Variants in FBXL16 observed in about 807,000 individuals in gnomAD.
FBXL16 encodes F-box and leucine rich repeat protein 16, also known as F-box/LRR-repeat protein 16.
Under a neutral mutation model 36.7 loss-of-function variants are expected in FBXL16, and 7 were observed. That is an observed-to-expected ratio of 0.19 (90% CI 0.11 to 0.36). The LOEUF (loss-of-function observed/expected upper bound fraction) is 0.36. FBXL16 is among the 10% of genes least tolerant of loss of function. The probability of loss-of-function intolerance (pLI) is 1.00; values close to 1 mark genes in which losing one functional copy is unlikely to be tolerated. For missense variants in FBXL16, 463 were observed against 659.4 expected (o/e 0.70, Z 3.26); for synonymous variants, 355 against 308.7 (o/e 1.15, Z -1.57).
chr16:694,578 G>A (rs1005000815), intron 5 of FBXL16, 56 bp downstream of exon 5: 3 of 1,554,660 alleles, frequency 1.9e-6, no homozygotes, highest in Non-Finnish European at 2.6e-6. Context: ...TGGGCGGGTG[G>A]ACTAAGTGGG....
chr16:694,323 G>T lies in FBXL16; in HGVS notation c.1392C>A (p.Leu464=), dbSNP rs1380791854. 6.0e-6 allele frequency: 9 copies of T among 1,497,126 alleles called. No homozygotes were observed. The South Asian group carries it at 1.2e-4, about 20-fold the overall frequency. 92.7% of individuals were successfully genotyped at this position (1,497,126 alleles called of 1,614,324 possible). A position where few individuals can be genotyped will look rare whatever the true frequency, so the allele number is the denominator to read the frequency against. Residue 464 remains leucine (L), a synonymous_variant, in exon 6 of 6, where the codon CTC becomes CTA. Transcript: ENST00000397621. The part of the protein sequence containing the change: ...LTNCPGATPE[L]FKYFSQHLPR... ...GCAGGTGCTGCGAGAAATACTTGAA[G>T]AGCTCGGGGGTGGCCCCGGGGCAGT... is the stretch of plus-strand genomic sequence containing the variant.
intron 1 of FBXL16, among the ~76,000 whole-genome samples, chr16:698,018 C>G (rs1421356976): frequency 6.6e-6 from 1 of 151,288 alleles, no homozygotes; most frequent in Non-Finnish European, 1.5e-5. Context: ...AAAAAAGAAA[C>G]AGTTTCACTC....
Position 703,515 on chromosome 16 carries a change from G to C in FBXL16, c.-15+1997C>G, listed in dbSNP as rs1282787682. Among the ~76,000 whole-genome samples the C allele has an allele frequency of 4.6e-5, 7 of 152,236 alleles. No homozygotes were observed. The East Asian group carries it at 1.3e-3, about 29-fold the overall frequency. On this transcript the variant is annotated intron_variant, in intron 1 of 5. Coordinates refer to ENST00000397621, the MANE Select transcript of FBXL16 (RefSeq NM_153350.4). ...AAATGCACATCGGGCTCCATCTGCA[G>C]TGGCAGCCCCAGAGCCTGGCTGACA...
Position 697,527 on chromosome 16 carries a change from G to A in FBXL16, c.-14-108C>T. 1 of 1,333,492 alleles carries A rather than the reference G, an allele frequency of 7.5e-7. No homozygotes were observed. The highest frequency in any genetic ancestry group is 9.9e-7 in the Non-Finnish European group (1 of 1,007,014). The allele number at this position is 1,333,492 out of a possible 1,614,324, so 82.6% of individuals were successfully genotyped here. ...TTCCCTCCTTGGGCGTCCCTATGGT[G>A]CTCCCAGAACCACCAGACAGAGAGG... On this transcript the variant is annotated intron_variant, in intron 1 of 5. Coordinates refer to ENST00000397621, the MANE Select transcript of FBXL16 (RefSeq NM_153350.4). This position sits in a 1 kb window ranked among gnomAD's most constrained non-coding sequence, Gnocchi z 4.6.
intron 1 of FBXL16, among the ~76,000 whole-genome samples, chr16:699,848 G>T (rs1329089073): frequency 2.6e-5 from 4 of 151,842 alleles, no homozygotes; most frequent in African/African-American, 7.2e-5. Context: ...CTCCCACGAA[G>T]ATTCCAACGC....
chr16:696,704 C>A, intron 2 of FBXL16, 69 bp downstream of exon 2: 1 of 1,399,478 alleles, frequency 7.1e-7, no homozygotes, highest in East Asian at 2.7e-5. Context: ...CCATCCGCTC[C>A]CACCTCCATA....
Position 694,190 on chromosome 16 carries a change from A to T in FBXL16, c.*85T>A. On this transcript the variant is annotated 3_prime_UTR_variant, in exon 6 of 6. Transcript: ENST00000397621. ...GGGGCGCGGGGGCTCCCCCGAGCGC[A>T]AGGCGGGAAGAGGGGGCTCGGCGGC... The T allele has an allele frequency of 9.9e-7, 1 of 1,005,548 alleles. No individual in the cohort carries two copies. The highest frequency in any genetic ancestry group is 1.3e-6 in the Non-Finnish European group (1 of 780,628). The allele number at this position is 1,005,548 out of a possible 1,614,324, so 62.3% of individuals were successfully genotyped here.
chr16:696,898 C>A lies in FBXL16; in HGVS notation c.508G>T (p.Gly170Cys). 6.2e-7 allele frequency: 1 copy of A among 1,610,526 alleles called. No homozygotes were observed. The highest frequency in any genetic ancestry group is 8.5e-7 in the Non-Finnish European group (1 of 1,179,158). Residue 170 changes from glycine to cysteine, a missense_variant, in exon 2 of 6, where the codon GGC (glycine) becomes TGC (cysteine). Around this residue, in one of 3 missense-constraint regions of FBXL16, gnomAD observed 263 missense variants for 341.1 expected, o/e 0.77. Transcript: ENST00000397621. ...TCGGAGACGCCAACCAGGCAGAAGC[C>A]CTCGAAGCCTCTGGCGGCAAAACCC... ...LQGFAARGFE[G>C]FCLVGVSDLD...
intron 2 of FBXL16, among the ~76,000 whole-genome samples, chr16:696,524 A>G (rs1452174728): frequency 6.6e-6 from 1 of 152,174 alleles, no homozygotes; most frequent in Admixed American, 6.5e-5. Context: ...TCGGCCTCCC[A>G]TAGTGCCGGG....
Position 698,250 on chromosome 16 carries a change from G to A in FBXL16, c.-14-831C>T, listed in dbSNP as rs191462066. The stretch of plus-strand genomic sequence containing the variant: ...ACTCCTGACCTCAAGTGATCCACCC[G>A]CCTCAGCCTCCCAAAGTCCTGGGAT... On this transcript the variant is annotated intron_variant, in intron 1 of 5. Transcript: ENST00000397621. Among the ~76,000 whole-genome samples the A allele has an allele frequency of 7.6e-3, 1,151 of 152,174 alleles. 55 individuals carry two copies. Among genetic ancestry groups the A allele is most frequent in the Admixed American group, 0.058 (891 of 15,282 alleles).
chr16:703,662 C>T (rs148379804), intron 1 of FBXL16, among the ~76,000 whole-genome samples: 5 of 152,344 alleles, frequency 3.3e-5, no homozygotes, highest in East Asian at 1.9e-4. Flanking sequence ...GCTCCTCTCC[C>T]GCCCCCAGTT....
rs761059189 is a variant in FBXL16, at chr16:696,840, G to A, written c.566C>T (p.Ala189Val). 3.8e-6 allele frequency: 6 copies of A among 1,562,940 alleles called. No individual in the cohort carries two copies. The highest frequency in any genetic ancestry group is 4.6e-5 in the East Asian group (2 of 43,160). The change falls in exon 2 of 6, where the codon GCG becomes GTG. Residue 189 changes from alanine to valine, a missense_variant. This residue lies in a region of FBXL16 where 263 missense variants were observed against 341.1 expected (regional missense o/e 0.77). Transcript: ENST00000397621. ...GGCTTTGACACCCTTCTTGGAGAGC[G>A]CATAGTTGTCAATGAACTCACAGAT... Reference protein sequence around the residue: ...LDICEFIDNYALSKKGVKAMS... With the variant: ...LDICEFIDNYVLSKKGVKAMS...
At chr16:695,332 C>G (rs1280473824) in intron 3 of FBXL16, 83 bp downstream of exon 3, 1 of 1,076,200 alleles carries the variant, frequency 9.3e-7, no homozygotes, top group Non-Finnish European at 1.1e-6. Context: ...CCCCCGCCCC[C>G]GGCCCCGTGC....
chr16:701,282 G>T (rs1319775838), intron 1 of FBXL16, among the ~76,000 whole-genome samples: 2 of 152,206 alleles, frequency 1.3e-5, no homozygotes, highest in Non-Finnish European at 2.9e-5. Context: ...AGCGCTGCCA[G>T]AAGGCGCTGC....
At position 703,571 on chromosome 16, in the gene FBXL16, G is replaced by A. The variant is rs370995995; in HGVS notation, c.-15+1941C>T. 1.6e-4 allele frequency among the ~76,000 whole-genome samples: 24 copies of A among 152,346 alleles called. No homozygotes were observed. The South Asian group carries it at 5.0e-3, about 32-fold the overall frequency. On this transcript the variant is annotated intron_variant, in intron 1 of 5. Transcript: ENST00000397621. The stretch of plus-strand genomic sequence containing the variant: ...GGTGGCTGGGGATTGGGGACAGGGT[G>A]CAGACTGACACATTCCGTGGCAGCC...
rs1308716247 is a variant in FBXL16, at chr16:705,593, G to A, written c.-96C>T. ...GGGAGCCCGGCATGGGCGTCGGCGC[G>A]CGGGGGCCGCCGGGGTGCTGGACTG... On this transcript the variant is annotated 5_prime_UTR_variant, in exon 1 of 6. Coordinates refer to ENST00000397621, the MANE Select transcript of FBXL16 (RefSeq NM_153350.4). 1 of 149,990 alleles carries A rather than the reference G, an allele frequency of 6.7e-6. No individual in the cohort carries two copies. The highest frequency in any genetic ancestry group is 1.5e-5 in the Non-Finnish European group (1 of 67,226). 9.3% of individuals were successfully genotyped at this position (149,990 alleles called of 1,614,324 possible). A position where few individuals can be genotyped will look rare whatever the true frequency, so the allele number is the denominator to read the frequency against.
intron 1 of FBXL16, among the ~76,000 whole-genome samples, chr16:704,437 G>A (rs2040077101): frequency 2.0e-5 from 3 of 152,226 alleles, no homozygotes; most frequent in South Asian, 2.1e-4. Flanking sequence ...CCCACACAGC[G>A]ATGTTTGCAG....
intron 5 of FBXL16, 73 bp downstream of exon 5, chr16:694,561 G>A: frequency 1.3e-6 from 2 of 1,533,544 alleles, no homozygotes; most frequent in East Asian, 4.8e-5. Flanking sequence ...ACAAGGACCG[G>A]GCAGGTTGGG....
chr16:702,691 C>G (rs1333580579), intron 1 of FBXL16, among the ~76,000 whole-genome samples: 1 of 152,188 alleles, frequency 6.6e-6, no homozygotes, highest in Non-Finnish European at 1.5e-5. Context: ...CGTGCCATGG[C>G]CAGTGTCCGC....
Sources: allele counts gnomAD v4.1 joint callset (sites outside exome capture counted in the v4.1 genomes callset), GRCh38; gene constraint gnomAD v4.1.1; regional missense constraint gnomAD v4.1.1; non-coding constraint Gnocchi (gnomAD v3.1); transcripts MANE v1.5; gene names NCBI Gene and HGNC (gene_info 2026-07-23, HGNC 2026-07-21).